LCT: variants seen among roughly 807,000 people sequenced by gnomAD.
The protein encoded by LCT is lactase.
A neutral mutation model predicts 173.0 loss-of-function variants in LCT; 90 were observed. The ratio of observed to expected loss-of-function variants is 0.52; its 90% CI spans 0.44 to 0.62. The LOEUF is 0.62. Among genes scored for constraint, LCT ranks in the 20% least tolerant of loss-of-function variants. The probability of loss-of-function intolerance (pLI) is 0.00; values close to 1 mark genes in which losing one functional copy is unlikely to be tolerated. For missense variants in LCT, 1,864 were observed against 2,431.4 expected, an observed-to-expected ratio of 0.77 and a Z score of 4.91; for synonymous variants, 853 against 957.6, an observed-to-expected ratio of 0.89 and a Z score of 2.02.
At chr2:135,822,176 C>T (rs957035539) in intron 4 of LCT, 78 bp from the exon 5 acceptor site, 42 of 890,482 alleles carry the variant, frequency 4.7e-5, no homozygotes, top group Non-Finnish European at 6.3e-5. Context: ...CAGTTTTCCT[C>T]GCTCATACGA....
At chr2:135,795,639 A>AATG (rs1394175622) in intron 13 of LCT, among the ~76,000 whole-genome samples, 1 of 151,150 alleles carries the variant, frequency 6.6e-6, no homozygotes, top group Non-Finnish European at 1.5e-5. Context: ...TAATAATAAT[A>AATG]GCTTCAAGAT....
chr2:135,804,746 C>T, intron 10 of LCT, 21 bp downstream of exon 10: 1 of 1,611,724 alleles, frequency 6.2e-7, no homozygotes, highest in Middle Eastern at 2.2e-4. Context: ...TTTCCCAAGG[C>T]CTTGCCAGGA....
In LCT at chr2:135,802,387, A is replaced by G. The variant is rs542430568; in HGVS notation, c.4663+1543T>C. On this transcript the variant is annotated intron_variant, in intron 11 of 16. Transcript: ENST00000264162. Reference sequence around the variant, plus strand: ...GTATTTATCCAAAGGAAAGTAAGTCAGAATACCAAATCAATACCTTGACCT... The same window carrying G: ...GTATTTATCCAAAGGAAAGTAAGTCGGAATACCAAATCAATACCTTGACCT... 4.5e-4 allele frequency among the ~76,000 whole-genome samples: 69 copies of G among 152,374 alleles called. 1 individual carries two copies. The highest frequency in any genetic ancestry group is 2.8e-3 in the Admixed American group (43 of 15,306).
intron 12 of LCT, 48 bp from the exon 13 acceptor site, chr2:135,798,186 G>T (rs1488290049): frequency 1.1e-6 from 1 of 944,342 alleles, no homozygotes; most frequent in Non-Finnish European, 1.8e-6. Flanking sequence ...GGTGGGCACA[G>T]CAAGAGACAG....
intron 3 of LCT, among the ~76,000 whole-genome samples, chr2:135,826,882 C>T (rs954830444): frequency 6.6e-5 from 10 of 152,226 alleles, no homozygotes; most frequent in Non-Finnish European, 1.5e-4. Context: ...AGTTTAGGTT[C>T]AGGTGAGGCA....
chr2:135,803,360 G>T (rs1400427569), intron 11 of LCT, among the ~76,000 whole-genome samples: 1 of 152,066 alleles, frequency 6.6e-6, no homozygotes, highest in Non-Finnish European at 1.5e-5. Context: ...AATCTTTTAG[G>T]GTCAGATGTG....
chr2:135,798,612 T>C (rs3769013), intron 12 of LCT, among the ~76,000 whole-genome samples: 120,586 of 152,224 alleles, frequency 0.79, 48,171 homozygotes, highest in Non-Finnish European at 0.84. Flanking sequence ...CCGGGCAAAG[T>C]ATAACTCTTA....
At chr2:135,794,489 G>C (rs2077561758) in intron 14 of LCT, 152 bp downstream of exon 14, 1 of 787,520 alleles carries the variant, frequency 1.3e-6, no homozygotes, top group African/African-American at 1.7e-5. Flanking sequence ...AGATTTCCTT[G>C]GGATCTGTGG....
In LCT at chr2:135,794,721, A is replaced by G. The variant is rs1385296722; in HGVS notation, c.5031T>C (p.Phe1677=). The G allele has an allele frequency of 3.7e-6, 6 of 1,614,038 alleles. No individual in the cohort carries two copies. The African/African-American group carries it at 8.0e-5, about 22-fold the overall frequency. The change falls in exon 14 of 17, where the codon TTT becomes TTC. Residue 1677 remains phenylalanine, a synonymous_variant. Coordinates refer to ENST00000264162, the MANE Select transcript of LCT (RefSeq NM_002299.4). ...CAGTGGTGTAGTGATTGAACCCAAA[A>G]AAGTCATAGGTGCCGTTGATCCTCC... is the stretch of plus-strand genomic sequence containing the variant. ...EKRRINGTYD[F]FGFNHYTTVL...
chr2:135,807,036 G>C, intron 9 of LCT, 92 bp downstream of exon 9: 2 of 1,431,564 alleles, frequency 1.4e-6, no homozygotes, highest in South Asian at 1.2e-5. Context: ...GGAATCTCCT[G>C]TTCATGCATC....
intron 5 of LCT, chr2:135,821,781 T>C (rs2077834081): frequency 1.9e-6 from 1 of 527,902 alleles, no homozygotes; most frequent in Non-Finnish European, 3.4e-6. Flanking sequence ...TGAGCCATCA[T>C]GCTAGTTGCG....
chr2:135,826,860 G>A (rs1327078721), intron 3 of LCT, among the ~76,000 whole-genome samples: 2 of 152,284 alleles, frequency 1.3e-5, no homozygotes, highest in Admixed American at 1.3e-4. Flanking sequence ...CACAGGCCCT[G>A]GGCAGCAAGC....
At chr2:135,822,751 T>C (rs1309758210) in intron 4 of LCT, 1 of 155,256 alleles carries the variant, frequency 6.4e-6, no homozygotes, top group Non-Finnish European at 1.4e-5. Flanking sequence ...CAAAAACTCA[T>C]GTTGAAATTT....
At chr2:135,801,585 G>A (rs2077628566) in intron 11 of LCT, among the ~76,000 whole-genome samples, 1 of 151,494 alleles carries the variant, frequency 6.6e-6, no homozygotes, top group African/African-American at 2.4e-5. Context: ...TGTGGTGGCA[G>A]GCGCCTGTAA....
chr2:135,827,589 A>C (rs1436945117), intron 3 of LCT, among the ~76,000 whole-genome samples: 1 of 151,988 alleles, frequency 6.6e-6, no homozygotes, highest in Non-Finnish European at 1.5e-5. Context: ...GATGGGGATG[A>C]TTTGGGGATG....
In LCT at chr2:135,821,343, T is replaced by C. The variant is rs137881172; in HGVS notation, c.986+677A>G. ...CAACAGCTGGCTTTCCTGTCTATGC[T>C]GTCTCCTTCCAGGGAGGATGTTTCA... is the stretch of plus-strand genomic sequence containing the variant. On this transcript the variant is annotated intron_variant, in intron 5 of 16. Transcript: ENST00000264162. Among the ~76,000 whole-genome samples the C allele has an allele frequency of 6.7e-4, 102 of 152,328 alleles. 1 individual carries two copies. Among genetic ancestry groups the C allele is most frequent in the African/African-American group, 2.3e-3 (97 of 41,570 alleles).
chr2:135,803,444 G>A (rs571426519), intron 11 of LCT, among the ~76,000 whole-genome samples: 1 of 152,338 alleles, frequency 6.6e-6, no homozygotes, highest in African/African-American at 2.4e-5. Flanking sequence ...GCTCTCCATA[G>A]TCAAGCACAC....
chr2:135,834,558 C>T (rs2077969028), intron 1 of LCT, among the ~76,000 whole-genome samples: 1 of 148,796 alleles, frequency 6.7e-6, no homozygotes, highest in Non-Finnish European at 1.5e-5. Context: ...GAGTCCGAGG[C>T]GGGCGGATCA....
chr2:135,797,289 C>T (rs1263967360), intron 13 of LCT, among the ~76,000 whole-genome samples: 1 of 152,208 alleles, frequency 6.6e-6, no homozygotes, highest in East Asian at 1.9e-4. Context: ...TATATGGGGG[C>T]GTCTAGGGGC....
Sources: allele counts gnomAD v4.1 joint callset (sites outside exome capture counted in the v4.1 genomes callset), GRCh38; gene constraint gnomAD v4.1.1; transcripts MANE v1.5; gene names NCBI Gene and HGNC (gene_info 2026-07-23, HGNC 2026-07-21).